The following BICD1 variants were observed in gnomAD, a reference collection of about 807,000 sequenced individuals.
BICD1 encodes protein bicaudal D homolog 1.
BICD1 carries 35 observed loss-of-function variants against 92.5 expected under a neutral mutation model. The ratio of observed to expected loss-of-function variants is 0.38; its 90% CI spans 0.29 to 0.50. The LOEUF (loss-of-function observed/expected upper bound fraction) is 0.50. Among genes scored for constraint, BICD1 ranks in the 20% least tolerant of loss-of-function variants. BICD1 has a pLI of 0.93. For missense variants in BICD1, 950 were observed against 1,189.8 expected, an observed-to-expected ratio of 0.80 and a Z score of 2.97; for synonymous variants, 429 against 465.1, an observed-to-expected ratio of 0.92 and a Z score of 1.00.
intron 2 of BICD1, among the ~76,000 whole-genome samples, chr12:32,219,604 T>C (rs1001571265): frequency 2.0e-5 from 3 of 151,928 alleles, no homozygotes; most frequent in Admixed American, 1.3e-4. Context: ...TAAAGAAACA[T>C]GAGATAAATA....
intron 8 of BICD1, among the ~76,000 whole-genome samples, chr12:32,350,870 T>C (rs1248421815): frequency 7.5e-6 from 1 of 133,974 alleles, no homozygotes; most frequent in Non-Finnish European, 1.8e-5. Context: ...TCATTGTCCT[T>C]TGTCACCTCT....
At chr12:32,367,929 G>C in intron 9 of BICD1, 184 bp downstream of exon 9, 1 of 574,078 alleles carries the variant, frequency 1.7e-6, no homozygotes, top group Non-Finnish European at 3.1e-6. Flanking sequence ...GAATACAAGA[G>C]AGCTGGGGTT....
chr12:32,288,250 G>A (rs1048322340), intron 2 of BICD1, among the ~76,000 whole-genome samples: 4 of 96,692 alleles, frequency 4.1e-5, no homozygotes, highest in African/African-American at 2.0e-4. Context: ...TTTTTTTTCT[G>A]AGACAGGGTC....
chr12:32,301,593 G>C (rs568655019), intron 3 of BICD1, among the ~76,000 whole-genome samples: 2 of 151,188 alleles, frequency 1.3e-5, no homozygotes, highest in Non-Finnish European at 2.9e-5. Context: ...TGGGCAACAT[G>C]GTACAAAACC....
chr12:32,161,028 C>T (rs1321966445), intron 1 of BICD1, among the ~76,000 whole-genome samples: 1 of 152,180 alleles, frequency 6.6e-6, no homozygotes, highest in Non-Finnish European at 1.5e-5. Flanking sequence ...AGTCTGGAAG[C>T]CTTAATGACA....
chr12:32,285,043 G>A (rs1664737899), intron 2 of BICD1, among the ~76,000 whole-genome samples: 1 of 152,142 alleles, frequency 6.6e-6, no homozygotes, highest in African/African-American at 2.4e-5. Context: ...CAGTCTAACT[G>A]GAGAATTTTA....
At chr12:32,317,533 C>T (rs570687765) in intron 4 of BICD1, among the ~76,000 whole-genome samples, 8 of 151,836 alleles carry the variant, frequency 5.3e-5, no homozygotes, top group Admixed American at 2.0e-4. Context: ...TCATATCCTG[C>T]ACCCACTTTT....
intron 9 of BICD1, among the ~76,000 whole-genome samples, chr12:32,371,378 A>G (rs2136336965): frequency 1.3e-5 from 2 of 152,312 alleles, no homozygotes; most frequent in East Asian, 3.9e-4. Flanking sequence ...AAATGGGTCA[A>G]TGTTAATACC....
chr12:32,337,139 C>A lies in BICD1; in HGVS notation c.2253-360C>A, dbSNP rs1312379692. On this transcript the variant is annotated intron_variant, in intron 6 of 9. Transcript: ENST00000652176. The surrounding 1 kb of genome is among the most constrained non-coding windows in gnomAD (Gnocchi z 4.7). ...GCACACTCCTGTAATTCCAGCAACT[C>A]GGCAGGCTGAGGCATGAGAATCGCT... Among the ~76,000 whole-genome samples the A allele has an allele frequency of 6.6e-6, 1 of 152,024 alleles. No individual in the cohort carries two copies. Among genetic ancestry groups the A allele is most frequent in the East Asian group, 1.9e-4 (1 of 5,180 alleles).
intron 2 of BICD1, among the ~76,000 whole-genome samples, chr12:32,270,587 G>T (rs954108033): frequency 1.6e-4 from 25 of 152,114 alleles, no homozygotes; most frequent in African/African-American, 6.0e-4. Flanking sequence ...ATGTTAAACA[G>T]GTAAGACAAA....
At chr12:32,125,876 T>TA (rs11320031) in intron 1 of BICD1, among the ~76,000 whole-genome samples, 15,734 of 140,482 alleles carry the variant, frequency 0.11, 1,036 homozygotes, top group Middle Eastern at 0.21. Flanking sequence ...ACCCCGTCTC[T>TA]AAAAAAAAAA....
intron 9 of BICD1, among the ~76,000 whole-genome samples, chr12:32,369,465 CA>C (rs1278754038): frequency 2.0e-5 from 3 of 152,254 alleles, no homozygotes; most frequent in Non-Finnish European, 4.4e-5. Flanking sequence ...TACATGTGGT[CA>C]GGGGTCAGAG....
At chr12:32,166,138 A>ATTTATTTATTTATTT (rs1555140610) in intron 1 of BICD1, among the ~76,000 whole-genome samples, 21,922 of 143,706 alleles carry the variant, frequency 0.15, 1,875 homozygotes, top group East Asian at 0.2. Context: ...TTATTTATTT[A>ATTTATTTATTTATTT]TTTATTTATT....
chr12:32,313,405 G>C lies in BICD1; in HGVS notation c.1005+7283G>C, dbSNP rs917038577. Reference sequence around the variant, plus strand: ...TTATAACAACTGTATGGGGTAGAGAGTATTATTATCTTCATATTATAGATA... The same window carrying C: ...TTATAACAACTGTATGGGGTAGAGACTATTATTATCTTCATATTATAGATA... On this transcript the variant is annotated intron_variant, in intron 4 of 9. Coordinates refer to ENST00000652176, the MANE Select transcript of BICD1 (RefSeq NM_001714.4). The surrounding 1 kb of genome is among the most constrained non-coding windows in gnomAD (Gnocchi z 4.2). 6.6e-6 allele frequency among the ~76,000 whole-genome samples: 1 copy of C among 152,106 alleles called. No homozygotes were observed. Among genetic ancestry groups the C allele is most frequent in the African/African-American group, 2.4e-5 (1 of 41,422 alleles).
intron 2 of BICD1, among the ~76,000 whole-genome samples, chr12:32,257,310 A>G (rs1240490623): frequency 1.3e-5 from 2 of 152,048 alleles, no homozygotes; most frequent in African/African-American, 4.8e-5. Flanking sequence ...AAGGTTGGAC[A>G]TTTTGTTAGG....
At chr12:32,370,952 C>T (rs1300330273) in intron 9 of BICD1, among the ~76,000 whole-genome samples, 2 of 152,056 alleles carry the variant, frequency 1.3e-5, no homozygotes, top group Admixed American at 1.3e-4. Flanking sequence ...AACCTTCCTG[C>T]CTCAGAAGAC....
At chr12:32,270,755 T>G (rs1298707221) in intron 2 of BICD1, among the ~76,000 whole-genome samples, 1 of 152,224 alleles carries the variant, frequency 6.6e-6, no homozygotes, top group African/African-American at 2.4e-5. Flanking sequence ...ACACAGACAT[T>G]TTCTCAATTA....
Position 32,327,525 on chromosome 12 carries a change from C to T in BICD1, c.1070C>T (p.Thr357Ile). 1.9e-6 allele frequency: 3 copies of T among 1,614,086 alleles called. No homozygotes were observed. Among genetic ancestry groups the T allele is most frequent in the Non-Finnish European group, 2.5e-6 (3 of 1,180,002 alleles). Residue 357 changes from threonine (T) to isoleucine (I), a missense_variant, in exon 5 of 10, where the codon ACC (threonine) becomes ATC (isoleucine). Around this residue, in one of 5 missense-constraint regions of BICD1, gnomAD observed 246 missense variants for 258.4 expected, o/e 0.95. Transcript: ENST00000652176. ...GAGTCACAGACACAGCTGGAACACA[C>T]CAAGGGGGCACTGACGGAGCAGCAT... ...LQESQTQLEH[T>I]KGALTEQHER...
At chr12:32,276,953 A>C (rs148634360) in intron 2 of BICD1, among the ~76,000 whole-genome samples, 4 of 132,228 alleles carry the variant, frequency 3.0e-5, no homozygotes, top group African/African-American at 5.2e-5. Flanking sequence ...AAGTGCTTTC[A>C]AACATTCTTT....
Sources: gnomAD v4.1 joint callset for allele counts (sites outside exome capture counted in the v4.1 genomes callset) on GRCh38, gnomAD v4.1.1 for gene constraint, gnomAD v4.1.1 regional missense constraint, Gnocchi (gnomAD v3.1) non-coding constraint, MANE v1.5 for transcripts, NCBI Gene and HGNC (gene_info 2026-07-23, HGNC 2026-07-21) for gene names.